The following LIMCH1 variants were observed in gnomAD, a reference collection of about 807,000 sequenced individuals.
The protein encoded by LIMCH1 is LIM and calponin homology domains-containing protein 1.
In LIMCH1, 113 loss-of-function variants were observed where a neutral mutation model predicts 176.5. The observed-to-expected ratio is 0.64, with a 90% CI of 0.55 to 0.75. LIMCH1 has a LOEUF of 0.75. Ranked by LOEUF, LIMCH1 falls within the 30% of genes least tolerant of loss-of-function variation. The probability of loss-of-function intolerance (pLI) is 0.00; values close to 1 mark genes in which losing one functional copy is unlikely to be tolerated. For missense variants in LIMCH1, 1,674 were observed against 1,814.9 expected, an observed-to-expected ratio of 0.92 and a Z score of 1.41; for synonymous variants, 619 against 645.9, an observed-to-expected ratio of 0.96 and a Z score of 0.63.
At chr4:41,486,991 CACACACACACAT>C (rs1361518389) in intron 1 of LIMCH1, among the ~76,000 whole-genome samples, 3 of 150,078 alleles carry the variant, frequency 2.0e-5, no homozygotes, top group Non-Finnish European at 4.5e-5. Context: ...CACACACACA[CACACACACACAT>C]ATATATATAC....
chr4:41,360,473 A>G (rs1210819285), upstream of LIMCH1, among the ~76,000 whole-genome samples: 1 of 151,662 alleles, frequency 6.6e-6, no homozygotes, highest in Non-Finnish European at 1.5e-5. The surrounding 1 kb of genome is among the most constrained non-coding windows in gnomAD (Gnocchi z 4.5). Flanking sequence ...GATTCCCTCT[A>G]TCGGGCCGGG....
At chr4:41,619,780 G>T in intron 6 of LIMCH1, 1 of 302,314 alleles carries the variant, frequency 3.3e-6, no homozygotes, top group African/African-American at 2.1e-5. Flanking sequence ...TGTCAGATTA[G>T]GCGTAGAAAG....
intron 3 of LIMCH1, among the ~76,000 whole-genome samples, chr4:41,526,658 C>T (rs1263692998): frequency 6.6e-6 from 1 of 152,170 alleles, no homozygotes; most frequent in Non-Finnish European, 1.5e-5. Flanking sequence ...CATTTCTCAT[C>T]AAGTACTCTC....
chr4:41,491,785 G>A (rs1329913982), intron 1 of LIMCH1, among the ~76,000 whole-genome samples: 45 of 149,744 alleles, frequency 3.0e-4, no homozygotes, highest in South Asian at 1.1e-3. Flanking sequence ...GGGCAGAGGC[G>A]CTCCTCACTT....
At chr4:41,485,578 T>C (rs1194840098) in intron 1 of LIMCH1, among the ~76,000 whole-genome samples, 1 of 152,184 alleles carries the variant, frequency 6.6e-6, no homozygotes, top group African/African-American at 2.4e-5. Flanking sequence ...TATATGGAAG[T>C]TTATTATGCC....
intron 1 of LIMCH1, among the ~76,000 whole-genome samples, chr4:41,377,936 G>T (rs899303737): frequency 6.6e-6 from 1 of 152,170 alleles, no homozygotes; most frequent in Non-Finnish European, 1.5e-5. Flanking sequence ...ACCTCCCAAA[G>T]GTTCTATTTT....
At chr4:41,410,476 A>G (rs2059382404) in intron 1 of LIMCH1, among the ~76,000 whole-genome samples, 1 of 152,018 alleles carries the variant, frequency 6.6e-6, no homozygotes, top group Non-Finnish European at 1.5e-5. Context: ...TGTTCCCATT[A>G]CTGTTGTTTT....
In LIMCH1 at chr4:41,697,932, G is replaced by A. The variant is rs1178804167; in HGVS notation, c.*747G>A. The A allele has an allele frequency of 6.6e-6, 1 of 152,160 alleles. No individual in the cohort carries two copies. Among genetic ancestry groups the A allele is most frequent in the Non-Finnish European group, 1.5e-5 (1 of 68,028 alleles). 9.4% of individuals were successfully genotyped at this position (152,160 alleles called of 1,614,324 possible). On this transcript the variant is annotated 3_prime_UTR_variant, in exon 32 of 32. Transcript: ENST00000503057. ...GACGTTGCCCAAAGGTAGGAAGAAA[G>A]CAGAGGGAAATATTTCAGTCATCAT...
At chr4:41,439,993 G>A (rs1379894540) in intron 1 of LIMCH1, among the ~76,000 whole-genome samples, 1 of 152,178 alleles carries the variant, frequency 6.6e-6, no homozygotes, top group Non-Finnish European at 1.5e-5. Context: ...GATTTGTTCT[G>A]CTTCCTTACT....
intron 9 of LIMCH1, among the ~76,000 whole-genome samples, chr4:41,630,752 C>T (rs968395123): frequency 6.6e-6 from 1 of 152,186 alleles, no homozygotes; most frequent in Admixed American, 6.5e-5. Flanking sequence ...CTTAGAGGCT[C>T]AAGTTCCTTA....
At chr4:41,419,612 T>TCCTTCCTTCCTTCCG (rs1561310212) in intron 1 of LIMCH1, among the ~76,000 whole-genome samples, 3 of 81,058 alleles carry the variant, frequency 3.7e-5, no homozygotes, top group African/African-American at 3.0e-4. Context: ...CCGTCCTTCC[T>TCCTTCCTTCCTTCCG]TCCTTCCTTC....
chr4:41,401,484 C>G (rs1313140853), intron 1 of LIMCH1, among the ~76,000 whole-genome samples: 2 of 152,086 alleles, frequency 1.3e-5, no homozygotes, highest in African/African-American at 2.4e-5. Flanking sequence ...CAGCTTTGTT[C>G]TTTTGGCTTA....
At chr4:41,422,181 C>G (rs2060661583) in intron 1 of LIMCH1, among the ~76,000 whole-genome samples, 1 of 152,048 alleles carries the variant, frequency 6.6e-6, no homozygotes, top group South Asian at 2.1e-4. Flanking sequence ...CCTGAAACTT[C>G]TCTTTGGAAA....
chr4:41,437,925 T>G (rs1401355808), intron 1 of LIMCH1, among the ~76,000 whole-genome samples: 1 of 152,252 alleles, frequency 6.6e-6, no homozygotes. Flanking sequence ...CACATGTGGT[T>G]TAAGTCTGGA....
Position 41,633,072 on chromosome 4 carries a change from A to C in LIMCH1, c.1816A>C (p.Ser606Arg). ...GTCAAAGGCAGAAAGATCAGAGGAC[A>C]GCAGCCAGCCACTGTGAGCATCTTG... ...RLSKAERSED[S>R]SQPLVCPLAS... is the part of the protein sequence containing the mutation. Residue 606 changes from serine to arginine, a missense_variant, in exon 12 of 32, where the codon AGC (serine) becomes CGC (arginine). By Grantham distance (110) the Ser-to-Arg change is moderately radical. This residue lies in a region of LIMCH1 where 1,015 missense variants were observed against 1,102.5 expected (regional missense o/e 0.92). Transcript: ENST00000503057. 6.5e-7 allele frequency: 1 copy of C among 1,534,912 alleles called. No individual in the cohort carries two copies. Among genetic ancestry groups the C allele is most frequent in the Non-Finnish European group, 8.7e-7 (1 of 1,146,326 alleles).
At chr4:41,604,977 C>T (rs2090496482) in intron 3 of LIMCH1, among the ~76,000 whole-genome samples, 1 of 151,938 alleles carries the variant, frequency 6.6e-6, no homozygotes, top group East Asian at 1.9e-4. Context: ...TAAGTACTTC[C>T]CAGACTGGCT....
chr4:41,605,502 T>G (rs2090569188), intron 3 of LIMCH1, among the ~76,000 whole-genome samples: 1 of 152,212 alleles, frequency 6.6e-6, no homozygotes, highest in South Asian at 2.1e-4. Context: ...AGCACCTTTC[T>G]CAAAAGGAAT....
At chr4:41,581,805 C>CAAAAAAAAAAAAAAAA (rs56150312) in intron 1 of LIMCH1, among the ~76,000 whole-genome samples, 2 of 76,186 alleles carry the variant, frequency 2.6e-5, no homozygotes, top group African/African-American at 4.5e-5. Flanking sequence ...GACTCTGTCT[C>CAAAAAAAAAAAAAAAA]AAAAAAAAAA....
intron 3 of LIMCH1, chr4:41,604,304 C>A: frequency 3.0e-6 from 2 of 668,910 alleles, no homozygotes; most frequent in Non-Finnish European, 1.8e-6. Context: ...ATAGTGTTGA[C>A]TGCCATGGGC....
Sources: allele counts gnomAD v4.1 joint callset (sites outside exome capture counted in the v4.1 genomes callset), GRCh38; gene constraint gnomAD v4.1.1; regional missense constraint gnomAD v4.1.1; non-coding constraint Gnocchi (gnomAD v3.1); transcripts MANE v1.5; gene names NCBI Gene and HGNC (gene_info 2026-07-23, HGNC 2026-07-21).